Variants in LRRC59 observed in about 807,000 individuals in gnomAD.
The protein encoded by LRRC59 is leucine rich repeat containing 59.
LRRC59 carries 18 observed loss-of-function variants against 33.5 expected under a neutral mutation model. That is an observed-to-expected ratio of 0.54 (90% CI 0.37 to 0.80). The LOEUF (loss-of-function observed/expected upper bound fraction) is 0.80. LRRC59 is among the 30% of genes least tolerant of loss of function. LRRC59 has a pLI of 0.00. For missense variants in LRRC59, 330 were observed against 391.9 expected (o/e 0.84, Z 1.33); for synonymous variants, 138 against 160.0 (o/e 0.86, Z 1.04).
chr17:50,385,487 C>A (rs1245076290), intron 5 of LRRC59, among the ~76,000 whole-genome samples, 196 bp from the exon 6 acceptor site: 1 of 152,140 alleles, frequency 6.6e-6, no homozygotes, highest in Non-Finnish European at 1.5e-5. Flanking sequence ...TCAGGGTTTG[C>A]TGAATGGTTT....
chr17:50,397,184 G>A (rs1425901567), intron 1 of LRRC59, 29 bp downstream of exon 1: 2 of 1,505,996 alleles, frequency 1.3e-6, no homozygotes, highest in Non-Finnish European at 1.8e-6. Context: ...GCGAAGGTGG[G>A]CGCCTGGGCC....
intron 4 of LRRC59, 54 bp downstream of exon 4, chr17:50,392,344 G>A: frequency 6.9e-7 from 1 of 1,445,062 alleles, no homozygotes; most frequent in Admixed American, 1.7e-5. Flanking sequence ...AACAGGAGGA[G>A]GAGAAATCCC....
chr17:50,383,275 G>A, intron 6 of LRRC59, 40 bp from the exon 7 acceptor site: 1 of 1,540,264 alleles, frequency 6.5e-7, no homozygotes, highest in Non-Finnish European at 8.8e-7. Context: ...AGTTCAGTCA[G>A]AGGAGACCTG....
At position 50,383,035 on chromosome 17, in the gene LRRC59, G is replaced by A. The variant is rs536412929; in HGVS notation, c.877C>T (p.Arg293Cys). Residue 293 changes from arginine to cysteine, a missense_variant, in exon 7 of 7, where the codon CGC (arginine) becomes TGC (cysteine). By Grantham distance (180) the Arg-to-Cys change is radical. Coordinates refer to ENST00000225972, the MANE Select transcript of LRRC59 (RefSeq NM_018509.4). Reference protein sequence around the residue: ...IYDNAVQGLRRHEILQWVLQT... With the variant: ...IYDNAVQGLRCHEILQWVLQT... ...AGGACCCACTGGAGGATCTCATGGC[G>A]GCGTAGACCCTGGACCGCATTGTCA... 18 of 1,612,968 alleles carry A rather than the reference G, an allele frequency of 1.1e-5. No homozygotes were observed. Among genetic ancestry groups the A allele is most frequent in the Middle Eastern group, 1.9e-4 (1 of 5,178 alleles).
In LRRC59 at chr17:50,397,425, C is replaced by T. The variant is rs191335519; in HGVS notation, c.-108G>A. The T allele has an allele frequency of 1.1e-3, 852 of 742,030 alleles. 9 individuals are homozygous for T. The African/African-American group carries it at 0.014, about 12-fold the overall frequency. The allele number at this position is 742,030 out of a possible 1,614,324, so 46.0% of individuals were successfully genotyped here. ...CCCCACCCAAACGACGACGCCTGAGCCCTCCGTCGCCGCCGATGCGAGACC... is the reference window on the plus strand; with the variant it reads ...CCCCACCCAAACGACGACGCCTGAGTCCTCCGTCGCCGCCGATGCGAGACC... On this transcript the variant is annotated 5_prime_UTR_variant, in exon 1 of 7. Transcript: ENST00000225972.
intron 2 of LRRC59, among the ~76,000 whole-genome samples, chr17:50,394,283 G>A (rs746721093): frequency 4.6e-5 from 7 of 152,280 alleles, no homozygotes; most frequent in Non-Finnish European, 7.3e-5. Context: ...TAGGCCTGAC[G>A]GTGCAGGAGC....
At chr17:50,383,554 C>T (rs1913925600) in intron 6 of LRRC59, among the ~76,000 whole-genome samples, 1 of 152,152 alleles carries the variant, frequency 6.6e-6, no homozygotes, top group Non-Finnish European at 1.5e-5. Flanking sequence ...TATCAGGAAG[C>T]ATCCAGCGCT....
chr17:50,394,938 A>C lies in LRRC59; in HGVS notation c.156T>G (p.Thr52=), dbSNP rs1169543692. Residue 52 remains threonine, a synonymous_variant, in exon 2 of 7, where the codon ACT becomes ACG. Coordinates refer to ENST00000225972, the MANE Select transcript of LRRC59 (RefSeq NM_018509.4). ...TILDLSCNKL[T]TLPSDFCGLT... is the part of the protein sequence containing the mutation. The stretch of plus-strand genomic sequence containing the variant: ...TGCATGCCAATCTTACCGGTAGAGT[A>C]GTCAGTTTATTACAAGACAGATCCA... 1 of 1,603,486 alleles carries C rather than the reference A, an allele frequency of 6.2e-7. No individual in the cohort carries two copies. The highest frequency in any genetic ancestry group is 8.5e-7 in the Non-Finnish European group (1 of 1,172,300).
chr17:50,391,986 G>T (rs1315098675), intron 4 of LRRC59, among the ~76,000 whole-genome samples: 1 of 152,194 alleles, frequency 6.6e-6, no homozygotes, highest in African/African-American at 2.4e-5. Context: ...ATCATTTGAG[G>T]TCGGGAGTTG....
intron 2 of LRRC59, among the ~76,000 whole-genome samples, chr17:50,394,223 G>C (rs1019758070): frequency 6.6e-5 from 10 of 152,154 alleles, no homozygotes; most frequent in African/African-American, 7.2e-5. Context: ...CTGGAGTACA[G>C]CAAGGAGTGG....
chr17:50,389,408 C>T (rs772228300), intron 4 of LRRC59, among the ~76,000 whole-genome samples: 5 of 152,114 alleles, frequency 3.3e-5, no homozygotes, highest in African/African-American at 1.2e-4. Context: ...ATTGTATAAC[C>T]TTGGCAAGTG....
At chr17:50,385,958 G>C (rs979444826) in intron 5 of LRRC59, among the ~76,000 whole-genome samples, 2 of 152,202 alleles carry the variant, frequency 1.3e-5, no homozygotes, top group Admixed American at 6.5e-5. Flanking sequence ...CTGGGAGGCT[G>C]AAGTGGGAGG....
At chr17:50,394,815 G>T (rs947255229) in intron 2 of LRRC59, 114 bp downstream of exon 2, 1 of 743,364 alleles carries the variant, frequency 1.3e-6, no homozygotes, top group East Asian at 2.7e-5. Context: ...CTGCCTGTAG[G>T]CCTATCCTGA....
intron 6 of LRRC59, among the ~76,000 whole-genome samples, chr17:50,383,923 A>G (rs1365844776): frequency 6.6e-6 from 1 of 150,832 alleles, no homozygotes; most frequent in East Asian, 2.1e-4. Flanking sequence ...TATGATCTTC[A>G]TTTTCAACAA....
chr17:50,393,618 C>T lies in LRRC59; in HGVS notation c.166-721G>A, dbSNP rs1051318581. On this transcript the variant is annotated intron_variant, in intron 2 of 6. Coordinates refer to ENST00000225972, the MANE Select transcript of LRRC59 (RefSeq NM_018509.4). ...TTTCTCAACACAGGTCAAAACATCC[C>T]CCTGACATTAAACCTTTGCTAAGCA... Among the ~76,000 whole-genome samples, 8 of 152,284 alleles carry T rather than the reference C, an allele frequency of 5.3e-5. No homozygotes were observed. The South Asian group carries it at 1.7e-3, about 32-fold the overall frequency.
chr17:50,392,902 G>A lies in LRRC59; in HGVS notation c.166-5C>T. On this transcript the variant is annotated splice_region_variant and splice_polypyrimidine_tract_variant and intron_variant, in intron 2 of 6. Coordinates refer to ENST00000225972, the MANE Select transcript of LRRC59 (RefSeq NM_018509.4). ...TGTGAGGCCACAGAAATCCGACTAG[G>A]ATCCAAAGAGAGAACCTAAGCTAGG... 1 of 1,611,254 alleles carries A rather than the reference G, an allele frequency of 6.2e-7. No homozygotes were observed. The highest frequency in any genetic ancestry group is 8.5e-7 in the Non-Finnish European group (1 of 1,177,560).
intron 4 of LRRC59, 63 bp downstream of exon 4, chr17:50,392,335 A>G: frequency 1.5e-6 from 2 of 1,376,704 alleles, no homozygotes; most frequent in South Asian, 2.4e-5. Context: ...GGAGGGAAAA[A>G]CAGGAGGAGG....
chr17:50,392,592 T>G, intron 3 of LRRC59, 90 bp from the exon 4 acceptor site: 3 of 1,437,910 alleles, frequency 2.1e-6, no homozygotes, highest in Non-Finnish European at 2.9e-6. Flanking sequence ...GCAGGAAGAA[T>G]GCCCCTCTGT....
chr17:50,391,693 G>T (rs1307337227), intron 4 of LRRC59, among the ~76,000 whole-genome samples: 3 of 152,148 alleles, frequency 2.0e-5, no homozygotes, highest in Non-Finnish European at 4.4e-5. Context: ...TACCAGGTCT[G>T]CCCAGGACGT....
Sources: gnomAD v4.1 joint callset for allele counts (sites outside exome capture counted in the v4.1 genomes callset) on GRCh38, gnomAD v4.1.1 for gene constraint, MANE v1.5 for transcripts, NCBI Gene and HGNC (gene_info 2026-07-23, HGNC 2026-07-21) for gene names.